Variants in LRMDA observed in about 807,000 individuals in gnomAD.
LRMDA encodes leucine-rich melanocyte differentiation-associated protein.
Under a neutral mutation model 29.8 loss-of-function variants are expected in LRMDA, and 18 were observed. The ratio of observed to expected loss-of-function variants is 0.60; its 90% CI spans 0.42 to 0.90. The LOEUF is 0.90. Among genes scored for constraint, LRMDA ranks in the 40% least tolerant of loss-of-function variants. The pLI is 0.00. For synonymous variants in LRMDA, 125 were observed against 109.4 expected (o/e 1.14, Z -0.89); for missense variants, 273 against 273.9 (o/e 1.00, Z 0.02).
intron 2 of LRMDA, among the ~76,000 whole-genome samples, chr10:75,644,875 T>C (rs1208448455): frequency 1.3e-5 from 2 of 152,172 alleles, no homozygotes; most frequent in East Asian, 3.8e-4. Context: ...TCTGTCCTAA[T>C]TGAAAAAATG....
intron 2 of LRMDA, among the ~76,000 whole-genome samples, chr10:75,778,988 A>G (rs943445110): frequency 2.6e-5 from 4 of 152,222 alleles, no homozygotes; most frequent in Admixed American, 2.6e-4. Context: ...AGCTAGATGT[A>G]TGTCTAGTAT....
chr10:75,661,106 C>CA (rs1841746969), intron 2 of LRMDA, among the ~76,000 whole-genome samples: 1 of 152,130 alleles, frequency 6.6e-6, no homozygotes, highest in Admixed American at 6.5e-5. Flanking sequence ...CCAGGCGGAT[C>CA]TTAATTAATG....
At chr10:76,073,510 A>G (rs1848907464) in intron 5 of LRMDA, among the ~76,000 whole-genome samples, 3 of 152,234 alleles carry the variant, frequency 2.0e-5, no homozygotes, top group Admixed American at 2.0e-4. Flanking sequence ...CCGTTCCTGG[A>G]TTTTAACCTT....
At chr10:75,860,267 C>T (rs796650236) in intron 2 of LRMDA, among the ~76,000 whole-genome samples, 11 of 147,532 alleles carry the variant, frequency 7.5e-5, no homozygotes, top group African/African-American at 2.8e-4. Flanking sequence ...GGACTACGCT[C>T]GATTCCTGTG....
chr10:76,209,314 T>A (rs965294884), intron 5 of LRMDA, among the ~76,000 whole-genome samples: 18 of 152,118 alleles, frequency 1.2e-4, no homozygotes, highest in Admixed American at 7.2e-4. Context: ...CCTAGATACA[T>A]CTGACTCATC....
intron 2 of LRMDA, among the ~76,000 whole-genome samples, chr10:75,670,032 C>T (rs1239507308): frequency 1.3e-5 from 2 of 152,028 alleles, no homozygotes; most frequent in Non-Finnish European, 2.9e-5. Flanking sequence ...TTATAGTTTC[C>T]ATTCATTGAA....
At chr10:76,410,450 AG>A (rs1841948254) in intron 6 of LRMDA, among the ~76,000 whole-genome samples, 2 of 151,678 alleles carry the variant, frequency 1.3e-5, no homozygotes, top group Admixed American at 6.6e-5. Flanking sequence ...CTGGGACTAT[AG>A]GCACATACCA....
intron 5 of LRMDA, among the ~76,000 whole-genome samples, chr10:76,197,916 T>C (rs76519806): frequency 6.6e-6 from 1 of 151,236 alleles, no homozygotes; most frequent in Non-Finnish European, 1.5e-5. Context: ...AGATACTCCA[T>C]TTCAAAAAAA....
rs375257510 is a variant in LRMDA at position 75,732,319 on chromosome 10, T to C, written c.131+293825T>C. On this transcript the variant is annotated intron_variant, in intron 2 of 6. Transcript: ENST00000611255. Reference sequence around the variant, plus strand: ...TCAATTGATGCGGAAGACCAAACCATGGGTAGGAATCCTGGGGCAAGGTTC... The same window carrying C: ...TCAATTGATGCGGAAGACCAAACCACGGGTAGGAATCCTGGGGCAAGGTTC... Among the ~76,000 whole-genome samples, 3 of 152,308 alleles carry C rather than the reference T, an allele frequency of 2.0e-5. No homozygotes were observed. In the East Asian group the frequency reaches 5.8e-4, roughly 29 times the overall value.
At chr10:75,822,341 T>C (rs1844176114) in intron 2 of LRMDA, among the ~76,000 whole-genome samples, 1 of 152,148 alleles carries the variant, frequency 6.6e-6, no homozygotes, top group Non-Finnish European at 1.5e-5. Flanking sequence ...AAAAACATCT[T>C]GTGCTCCTGG....
chr10:75,816,181 C>A (rs185751844), intron 2 of LRMDA, among the ~76,000 whole-genome samples: 17 of 152,130 alleles, frequency 1.1e-4, no homozygotes, highest in African/African-American at 3.9e-4. Context: ...AAGTTTTCGG[C>A]TTTCTATCTG....
intron 6 of LRMDA, among the ~76,000 whole-genome samples, chr10:76,489,456 A>AAC (rs1842812222): frequency 1.3e-5 from 2 of 151,848 alleles, no homozygotes; most frequent in African/African-American, 4.8e-5. Flanking sequence ...CCTTTTCAAA[A>AAC]AAACAAGCTT....
intron 2 of LRMDA, among the ~76,000 whole-genome samples, chr10:75,676,887 A>G (rs1242536246): frequency 6.6e-6 from 1 of 152,112 alleles, no homozygotes; most frequent in Non-Finnish European, 1.5e-5. Flanking sequence ...TTGCTTCTGC[A>G]CTTGTGTCTA....
intron 6 of LRMDA, among the ~76,000 whole-genome samples, chr10:76,415,364 G>A (rs1192608600): frequency 6.6e-6 from 1 of 152,226 alleles, no homozygotes; most frequent in East Asian, 1.9e-4. Flanking sequence ...GGGAAAGGTA[G>A]ATAAAGCTGG....
chr10:75,797,045 G>T (rs4745797), intron 2 of LRMDA, among the ~76,000 whole-genome samples: 57,189 of 151,716 alleles, frequency 0.38, 12,675 homozygotes, highest in South Asian at 0.52. Flanking sequence ...GTAATTTTGG[G>T]TTTTTTTTCT....
chr10:76,385,491 G>A (rs1841648654), intron 6 of LRMDA, among the ~76,000 whole-genome samples: 1 of 152,178 alleles, frequency 6.6e-6, no homozygotes, highest in Admixed American at 6.5e-5. Context: ...TGAATGGTCT[G>A]TCTGTGATCT....
At chr10:76,199,629 T>C (rs1564682834) in intron 5 of LRMDA, among the ~76,000 whole-genome samples, 2 of 152,212 alleles carry the variant, frequency 1.3e-5, no homozygotes, top group East Asian at 1.9e-4. Context: ...TGCTATCTTA[T>C]GGCACATTCT....
At chr10:75,553,713 A>G (rs1840180859) in intron 2 of LRMDA, among the ~76,000 whole-genome samples, 1 of 152,024 alleles carries the variant, frequency 6.6e-6, no homozygotes, top group Non-Finnish European at 1.5e-5. Context: ...GTTAAAGCGC[A>G]CCTTTTAAGG....
intron 2 of LRMDA, among the ~76,000 whole-genome samples, chr10:75,828,962 G>A (rs1003162056): frequency 6.6e-6 from 1 of 152,174 alleles, no homozygotes; most frequent in Non-Finnish European, 1.5e-5. Context: ...TGTCCCTGCC[G>A]TTGAGCCTGC....
Sources: allele counts gnomAD v4.1 joint callset (sites outside exome capture counted in the v4.1 genomes callset), GRCh38; gene constraint gnomAD v4.1.1; transcripts MANE v1.5; gene names NCBI Gene and HGNC (gene_info 2026-07-23, HGNC 2026-07-21).